Variants in NME7 observed in about 807,000 individuals in gnomAD.
NME7 encodes the protein NME/NM23 family member 7.
A neutral mutation model predicts 49.1 loss-of-function variants in NME7; 41 were observed. That is an observed-to-expected ratio of 0.83 (90% CI 0.65 to 1.08). NME7 has a LOEUF of 1.08. Ranked by LOEUF, NME7 falls within the 50% of genes least tolerant of loss-of-function variation. The pLI is 0.00. For missense variants in NME7, 423 were observed against 463.4 expected (o/e 0.91, Z 0.80); for synonymous variants, 139 against 150.6 (o/e 0.92, Z 0.56).
intron 6 of NME7, among the ~76,000 whole-genome samples, chr1:169,289,746 C>G (rs147705735): frequency 1.3e-5 from 2 of 152,062 alleles, no homozygotes; most frequent in African/African-American, 4.8e-5. Context: ...ACCATATTTA[C>G]CTATGCTGAA....
At chr1:169,160,654 C>T (rs1442492228) in intron 11 of NME7, among the ~76,000 whole-genome samples, 5 of 152,180 alleles carry the variant, frequency 3.3e-5, no homozygotes, top group Admixed American at 6.5e-5. Context: ...GCTACTGAAA[C>T]AAAACTGTTT....
intron 7 of NME7, among the ~76,000 whole-genome samples, chr1:169,247,968 T>C (rs1197895513): frequency 6.6e-6 from 1 of 152,186 alleles, no homozygotes. Context: ...GTCTTTAATA[T>C]AATCACTTAT....
chr1:169,260,582 GAA>G (rs771309761), intron 7 of NME7, among the ~76,000 whole-genome samples: 2 of 112,902 alleles, frequency 1.8e-5, no homozygotes. Flanking sequence ...TTGGGTAGAA[GAA>G]AAAAAAAAAA....
chr1:169,228,190 T>G (rs1187535175), intron 10 of NME7, among the ~76,000 whole-genome samples: 1 of 152,102 alleles, frequency 6.6e-6, no homozygotes, highest in Admixed American at 6.5e-5. Context: ...ATTACAGGTG[T>G]GTGCTACCAT....
intron 1 of NME7, among the ~76,000 whole-genome samples, chr1:169,357,510 G>C (rs1279496963): frequency 6.6e-6 from 1 of 152,034 alleles, no homozygotes; most frequent in Admixed American, 6.6e-5. Context: ...ATGTGGAAAT[G>C]CTAGAAAAAG....
chr1:169,199,450 TTTATTATTATTATTA>T (rs150975177), intron 10 of NME7, among the ~76,000 whole-genome samples: 69 of 111,554 alleles, frequency 6.2e-4, no homozygotes, highest in South Asian at 2.5e-3. Context: ...CAGGGTCTTT[TTTATTATTATTATTA>T]TTATTATTAT....
intron 7 of NME7, among the ~76,000 whole-genome samples, chr1:169,279,672 C>T (rs910391629): frequency 2.6e-5 from 4 of 152,192 alleles, no homozygotes; most frequent in East Asian, 1.9e-4. Flanking sequence ...TGCTTCGGCT[C>T]GCGCATGATG....
At chr1:169,296,665 G>A (rs1650721360) in intron 6 of NME7, among the ~76,000 whole-genome samples, 1 of 151,956 alleles carries the variant, frequency 6.6e-6, no homozygotes, top group African/African-American at 2.4e-5. Context: ...TGTCCAAAAC[G>A]TTAACTCCTG....
chr1:169,150,164 T>G (rs779716792), intron 11 of NME7, among the ~76,000 whole-genome samples: 1 of 152,196 alleles, frequency 6.6e-6, no homozygotes, highest in Non-Finnish European at 1.5e-5. Flanking sequence ...AGAATGAGAC[T>G]CTGTCTCTAG....
intron 10 of NME7, among the ~76,000 whole-genome samples, chr1:169,191,865 A>G (rs1436417550): frequency 2.0e-5 from 3 of 152,146 alleles, no homozygotes; most frequent in Admixed American, 6.5e-5. Flanking sequence ...CATTTGCTGA[A>G]GGTTTGACAG....
chr1:169,204,009 A>G (rs1389400453), intron 10 of NME7, among the ~76,000 whole-genome samples: 1 of 151,952 alleles, frequency 6.6e-6, no homozygotes, highest in Admixed American at 6.6e-5. Flanking sequence ...GGTATGCACC[A>G]CCATGCCTGG....
At chr1:169,206,453 A>G (rs527673226) in intron 10 of NME7, among the ~76,000 whole-genome samples, 1 of 152,184 alleles carries the variant, frequency 6.6e-6, no homozygotes, top group East Asian at 1.9e-4. Flanking sequence ...AGGACAAGGA[A>G]TAAAAAGGAA....
chr1:169,213,657 A>G (rs1660892942), intron 10 of NME7, among the ~76,000 whole-genome samples: 1 of 152,126 alleles, frequency 6.6e-6, no homozygotes, highest in Admixed American at 6.5e-5. Flanking sequence ...TAAAGGAAGG[A>G]AGAGAACAAG....
intron 1 of NME7, among the ~76,000 whole-genome samples, chr1:169,330,969 C>T (rs1025185111): frequency 6.6e-6 from 1 of 152,026 alleles, no homozygotes. Context: ...GCCAGTATTA[C>T]CCTGATACCA....
intron 6 of NME7, among the ~76,000 whole-genome samples, chr1:169,289,316 G>C (rs1375520119): frequency 6.6e-6 from 1 of 152,108 alleles, no homozygotes; most frequent in Non-Finnish European, 1.5e-5. Flanking sequence ...GTGTTGGAGA[G>C]CACCAGGGCT....
intron 10 of NME7, among the ~76,000 whole-genome samples, chr1:169,173,678 AAAT>A (rs1455132931): frequency 1.2e-4 from 18 of 152,180 alleles, no homozygotes; most frequent in African/African-American, 4.1e-4. Flanking sequence ...AGTGAGAGTG[AAAT>A]AATAACAGCA....
intron 10 of NME7, among the ~76,000 whole-genome samples, chr1:169,190,116 T>C (rs891678824): frequency 6.6e-6 from 1 of 152,218 alleles, no homozygotes; most frequent in African/African-American, 2.4e-5. Context: ...CAATTTTACC[T>C]CTAGAAATTA....
chr1:169,201,649 T>C (rs968543290), intron 10 of NME7, among the ~76,000 whole-genome samples: 5 of 152,168 alleles, frequency 3.3e-5, no homozygotes, highest in African/African-American at 1.2e-4. Context: ...CTGGCTTAGC[T>C]GACTGTGGCT....
chr1:169,335,847 T>C (rs2101953619), intron 1 of NME7, among the ~76,000 whole-genome samples: 1 of 151,206 alleles, frequency 6.6e-6, no homozygotes, highest in Non-Finnish European at 1.5e-5. Flanking sequence ...ACCTGCTCCC[T>C]CAAGCCAGCT....
Sources: allele counts gnomAD v4.1 joint callset (sites outside exome capture counted in the v4.1 genomes callset), GRCh38; gene constraint gnomAD v4.1.1; transcripts MANE v1.5; gene names NCBI Gene and HGNC (gene_info 2026-07-23, HGNC 2026-07-21).